The following CSMD1 variants were observed in gnomAD, a reference collection of about 807,000 sequenced individuals.
CSMD1 encodes the protein CUB and Sushi multiple domains 1, also known as CUB and sushi domain-containing protein 1.
A neutral mutation model predicts 417.5 loss-of-function variants in CSMD1; 213 were observed. That is an observed-to-expected ratio of 0.51 (90% CI 0.46 to 0.57). The LOEUF is 0.57. Among genes scored for constraint, CSMD1 ranks in the 20% least tolerant of loss-of-function variants. The pLI, the probability that CSMD1 is intolerant of heterozygous loss-of-function variation, is 0.00. For synonymous variants in CSMD1, 2,862 were observed against 1,736.8 expected (o/e 1.65, Z -16.11); for missense variants, 6,923 against 4,529.7 (o/e 1.53, Z -15.17).
Position 3,462,337 on chromosome 8 carries a change from C to G in CSMD1, c.1561+6375G>C, listed in dbSNP as rs530536519. ...ATTTAAGGCAAGGGTTCCCAACCCCCAGGCCAGGGACCAGTACTCGTCCAT... is the reference window on the plus strand; with the variant it reads ...ATTTAAGGCAAGGGTTCCCAACCCCGAGGCCAGGGACCAGTACTCGTCCAT... On this transcript the variant is annotated intron_variant, in intron 12 of 69. Coordinates refer to ENST00000635120, the MANE Select transcript of CSMD1 (RefSeq NM_033225.6). Among the ~76,000 whole-genome samples the G allele has an allele frequency of 7.7e-4, 118 of 152,272 alleles. 1 individual carries two copies. Among genetic ancestry groups the G allele is most frequent in the Middle Eastern group, 3.4e-3 (1 of 294 alleles).
intron 12 of CSMD1, among the ~76,000 whole-genome samples, chr8:3,428,017 C>CT (rs1488428945): frequency 6.6e-6 from 1 of 152,168 alleles, no homozygotes; most frequent in Non-Finnish European, 1.5e-5. Context: ...AACATAGTAA[C>CT]TTTGTCAAAT....
At chr8:4,047,664 C>T (rs915052561) in intron 3 of CSMD1, among the ~76,000 whole-genome samples, 3 of 151,700 alleles carry the variant, frequency 2.0e-5, no homozygotes, top group African/African-American at 7.3e-5. Context: ...TTGGGGCATG[C>T]AGAGAGAAGA....
chr8:3,337,824 G>C (rs1261350223), intron 23 of CSMD1, among the ~76,000 whole-genome samples: 2 of 152,244 alleles, frequency 1.3e-5, no homozygotes, highest in South Asian at 2.1e-4. Flanking sequence ...ATTCCTTTGA[G>C]TGGCTCTGCT....
At chr8:3,721,490 T>C (rs550538700) in intron 6 of CSMD1, among the ~76,000 whole-genome samples, 2 of 152,318 alleles carry the variant, frequency 1.3e-5, no homozygotes, top group East Asian at 1.9e-4. Flanking sequence ...GTCACTAAGA[T>C]AGCAAGGTAA....
chr8:3,598,622 A>C (rs1801206263), intron 8 of CSMD1, among the ~76,000 whole-genome samples: 1 of 152,164 alleles, frequency 6.6e-6, no homozygotes, highest in African/African-American at 2.4e-5. Flanking sequence ...CCAAGAGCTC[A>C]GTACAGTTCC....
intron 5 of CSMD1, among the ~76,000 whole-genome samples, chr8:3,929,404 T>C (rs1435044771): frequency 6.6e-6 from 1 of 150,538 alleles, no homozygotes; most frequent in Non-Finnish European, 1.5e-5. Context: ...GGTGACAATG[T>C]AATTTCAACC....
intron 1 of CSMD1, among the ~76,000 whole-genome samples, chr8:4,831,679 C>T (rs1250532442): frequency 6.6e-6 from 1 of 152,186 alleles, no homozygotes; most frequent in African/African-American, 2.4e-5. Context: ...GTTCATACTT[C>T]AATGAAATGG....
chr8:3,631,499 C>A (rs551112003), intron 7 of CSMD1, among the ~76,000 whole-genome samples: 2 of 152,100 alleles, frequency 1.3e-5, no homozygotes, highest in African/African-American at 2.4e-5. Flanking sequence ...GCAGATAGGC[C>A]GGGAATAGCT....
intron 21 of CSMD1, among the ~76,000 whole-genome samples, chr8:3,353,743 T>A (rs1585042482): frequency 7.3e-6 from 1 of 136,750 alleles, no homozygotes; most frequent in African/African-American, 2.6e-5. Context: ...GTCTATTTAA[T>A]ACTAATTTAA....
chr8:4,298,269 G>A (rs1458164720), intron 3 of CSMD1, among the ~76,000 whole-genome samples: 1 of 152,076 alleles, frequency 6.6e-6, no homozygotes, highest in Non-Finnish European at 1.5e-5. Flanking sequence ...TACATTAAAA[G>A]GTAAGAAGTT....
In CSMD1 at chr8:3,257,857, A is replaced by T. The variant is rs577076433; in HGVS notation, c.4153+26287T>A. ...GCAGCTGCAAGGGACTTGGGGCTTG[A>T]CTCAGTGATCCAGGGGCCATTGCTG... is the stretch of plus-strand genomic sequence containing the variant. On this transcript the variant is annotated intron_variant, in intron 26 of 69. Transcript: ENST00000635120. Among the ~76,000 whole-genome samples, 24 of 152,046 alleles carry T rather than the reference A, an allele frequency of 1.6e-4. No individual in the cohort carries two copies. The South Asian group carries it at 3.7e-3, about 24-fold the overall frequency.
At chr8:3,524,187 T>C (rs1351868643) in intron 10 of CSMD1, among the ~76,000 whole-genome samples, 1 of 122,422 alleles carries the variant, frequency 8.2e-6, no homozygotes, top group African/African-American at 3.2e-5. Flanking sequence ...ATGCACATAC[T>C]CACATATGCA....
chr8:3,519,244 C>T (rs1797403528), intron 10 of CSMD1, among the ~76,000 whole-genome samples: 1 of 152,178 alleles, frequency 6.6e-6, no homozygotes, highest in Non-Finnish European at 1.5e-5. Context: ...TGCATATAAA[C>T]ATTTTGTCCT....
intron 3 of CSMD1, among the ~76,000 whole-genome samples, chr8:4,042,931 G>C (rs6982349): frequency 0.28 from 41,559 of 149,732 alleles, 5,925 homozygotes; most frequent in African/African-American, 0.32. Flanking sequence ...TTCAAGACCA[G>C]TCTGGCCAAG....
At chr8:4,695,199 T>G (rs1293422771) in intron 1 of CSMD1, among the ~76,000 whole-genome samples, 1 of 152,162 alleles carries the variant, frequency 6.6e-6, no homozygotes, top group Non-Finnish European at 1.5e-5. Context: ...ATTTTTGTCA[T>G]TTCCCTTCCT....
chr8:4,055,084 T>C (rs2554529), intron 3 of CSMD1, among the ~76,000 whole-genome samples: 108,559 of 152,084 alleles, frequency 0.71, 38,987 homozygotes, highest in South Asian at 0.79. Context: ...ACTCATGAGA[T>C]TATTAGTAAC....
chr8:4,031,849 C>G lies in CSMD1; in HGVS notation c.610+56G>C, dbSNP rs571582306. 9 of 1,363,504 alleles carry G rather than the reference C, an allele frequency of 6.6e-6. No homozygotes were observed. The East Asian group carries it at 1.7e-4, about 26-fold the overall frequency. 84.5% of individuals were successfully genotyped at this position (1,363,504 alleles called of 1,614,324 possible). ...AGTGGAAACTTTCATAAAAGCATCT[C>G]CAAAACCATTGCCCTGCCCTGGAGT... is the stretch of plus-strand genomic sequence containing the variant. On this transcript the variant is annotated intron_variant, in intron 4 of 69. Coordinates refer to ENST00000635120, the MANE Select transcript of CSMD1 (RefSeq NM_033225.6).
chr8:4,144,986 A>T (rs924665359), intron 3 of CSMD1, among the ~76,000 whole-genome samples: 1 of 151,128 alleles, frequency 6.6e-6, no homozygotes, highest in Non-Finnish European at 1.5e-5. Context: ...CATTTGTTTC[A>T]TAAAACGTTC....
chr8:4,477,152 G>A (rs1465214673), intron 2 of CSMD1, among the ~76,000 whole-genome samples: 2 of 152,198 alleles, frequency 1.3e-5, no homozygotes, highest in Non-Finnish European at 2.9e-5. Flanking sequence ...GGCATTCTGT[G>A]ACCCTTCCTT....
Sources: allele counts gnomAD v4.1 joint callset (sites outside exome capture counted in the v4.1 genomes callset), GRCh38; gene constraint gnomAD v4.1.1; transcripts MANE v1.5; gene names NCBI Gene and HGNC (gene_info 2026-07-23, HGNC 2026-07-21).